The following LONP2 variants were observed in gnomAD, a reference collection of about 807,000 sequenced individuals.
The protein encoded by LONP2 is lon protease homolog 2, peroxisomal.
LONP2 carries 60 observed loss-of-function variants against 85.6 expected under a neutral mutation model. The observed-to-expected ratio is 0.70, with a 90% confidence interval of 0.57 to 0.87. The LOEUF (loss-of-function observed/expected upper bound fraction) is 0.87. Among genes scored for constraint, LONP2 ranks in the 40% least tolerant of loss-of-function variants. The pLI, the probability that LONP2 is intolerant of heterozygous loss-of-function variation, is 0.00. For synonymous variants in LONP2, 395 were observed against 389.7 expected (o/e 1.01, Z -0.16); for missense variants, 860 against 1,063.5 (o/e 0.81, Z 2.66).
chr16:48,249,933 C>T (rs1035867283), intron 1 of LONP2, among the ~76,000 whole-genome samples: 1 of 149,782 alleles, frequency 6.7e-6, no homozygotes, highest in Non-Finnish European at 1.5e-5. Flanking sequence ...GGCTCACGCC[C>T]GTAATCCTAG....
At position 48,299,663 on chromosome 16, in the gene LONP2, T is replaced by C. The variant is rs1339446010; in HGVS notation, c.1536T>C (p.Gly512=). Residue 512 remains glycine, a splice_region_variant and synonymous_variant, in exon 10 of 15, where the codon GGT becomes GGC. Transcript: ENST00000285737. ...LDRMEIIQVP[G]YTQEEKIEIA... ...AAAACAAGATCTCTTCTTTTCCAGG[T>C]TATACACAGGAGGAGAAGATAGAGA... 6.2e-7 allele frequency: 1 copy of C among 1,610,832 alleles called. No homozygotes were observed. The highest frequency in any genetic ancestry group is 1.3e-5 in the African/African-American group (1 of 74,522).
intron 7 of LONP2, among the ~76,000 whole-genome samples, chr16:48,275,576 A>G (rs1438409908): frequency 1.3e-5 from 2 of 152,176 alleles, no homozygotes; most frequent in African/African-American, 4.8e-5. Context: ...AGGTAGTCAG[A>G]AAAAGTTTCT....
At chr16:48,251,013 A>G (rs950761478) in intron 1 of LONP2, among the ~76,000 whole-genome samples, 1 of 152,262 alleles carries the variant, frequency 6.6e-6, no homozygotes, top group Non-Finnish European at 1.5e-5. Context: ...TAAGAAAAGG[A>G]TAGACGTAGT....
At chr16:48,346,103 A>G (rs1959956169) in intron 12 of LONP2, 1 of 151,998 alleles carries the variant, frequency 6.6e-6, no homozygotes, top group East Asian at 1.9e-4. Context: ...TGGATGCCAC[A>G]TAATTTTGGA....
intron 6 of LONP2, among the ~76,000 whole-genome samples, chr16:48,264,947 G>GT (rs949671993): frequency 6.6e-6 from 1 of 151,986 alleles, no homozygotes; most frequent in African/African-American, 2.4e-5. Context: ...ACTGATGATG[G>GT]TTTTTTTGTT....
intron 2 of LONP2, among the ~76,000 whole-genome samples, chr16:48,255,037 G>A (rs1971730234): frequency 6.6e-6 from 1 of 152,194 alleles, no homozygotes; most frequent in African/African-American, 2.4e-5. Context: ...CGATGTTGTT[G>A]GAGAGGTTTG....
chr16:48,285,862 C>T (rs188421779), intron 8 of LONP2, among the ~76,000 whole-genome samples: 249 of 152,154 alleles, frequency 1.6e-3, no homozygotes, highest in African/African-American at 5.5e-3. Flanking sequence ...TAAGCACATT[C>T]GCATTGTTGT....
At position 48,350,088 on chromosome 16, in the gene LONP2, T is replaced by C. The variant is rs9941354; in HGVS notation, c.2338-1493T>C. Reference sequence around the variant, plus strand: ...GAAATATATCTCTACAAAAATTGTTTTAAAAATAGTAAGGAGGCTGGGTGT... The same window carrying C: ...GAAATATATCTCTACAAAAATTGTTCTAAAAATAGTAAGGAGGCTGGGTGT... On this transcript the variant is annotated intron_variant, in intron 14 of 14. Transcript: ENST00000285737. Among the ~76,000 whole-genome samples the C allele has an allele frequency of 6.5e-3, 996 of 152,208 alleles. 8 individuals carry two copies. The highest frequency in any genetic ancestry group is 0.023 in the African/African-American group (957 of 41,540).
intron 14 of LONP2, among the ~76,000 whole-genome samples, chr16:48,350,669 T>C (rs1960115317): frequency 6.6e-6 from 1 of 152,194 alleles, no homozygotes; most frequent in Non-Finnish European, 1.5e-5. Context: ...GAATACTCCA[T>C]ACTCTTCAAG....
At chr16:48,316,554 T>C (rs1025368239) in intron 11 of LONP2, among the ~76,000 whole-genome samples, 5 of 151,512 alleles carry the variant, frequency 3.3e-5, no homozygotes, top group Non-Finnish European at 7.4e-5. Flanking sequence ...CTTGAACTCC[T>C]GACCTCAAGT....
intron 2 of LONP2, 97 bp from the exon 3 acceptor site, chr16:48,256,513 C>A: frequency 3.1e-6 from 4 of 1,291,232 alleles, no homozygotes; most frequent in Non-Finnish European, 4.4e-6. Context: ...AAAACAAAGA[C>A]TGAGGCCCAA....
downstream of LONP2, among the ~76,000 whole-genome samples, chr16:48,359,319 C>T (rs1284440860): frequency 3.9e-5 from 6 of 152,196 alleles, no homozygotes; most frequent in African/African-American, 1.2e-4. Flanking sequence ...GTAACCCTTT[C>T]ACCATACAAC....
intron 11 of LONP2, among the ~76,000 whole-genome samples, chr16:48,304,577 GC>G (rs1972873060): frequency 6.6e-6 from 1 of 152,068 alleles, no homozygotes; most frequent in Middle Eastern, 3.2e-3. Flanking sequence ...GGTGTTGGGC[GC>G]CTGTAGTCCC....
chr16:48,258,511 TTAA>T (rs1171180647), intron 3 of LONP2, 104 bp from the exon 4 acceptor site: 6 of 1,135,190 alleles, frequency 5.3e-6, no homozygotes, highest in African/African-American at 1.6e-5. Flanking sequence ...TTGAATACTG[TTAA>T]TAATTTTTTT....
chr16:48,362,654 C>T lies in LONP2; in HGVS notation c.*791C>T. The T allele has an allele frequency of 2.0e-6, 1 of 504,090 alleles. No homozygotes were observed. The highest frequency in any genetic ancestry group is 3.7e-5 in the East Asian group (1 of 26,812). The allele number at this position is 504,090 out of a possible 1,614,324, so 31.2% of individuals were successfully genotyped here. A position where few individuals can be genotyped will look rare whatever the true frequency, so the allele number is the denominator to read the frequency against. On this transcript the variant is annotated 3_prime_UTR_variant, in exon 5 of 5. Transcript: ENST00000565867. The surrounding 1 kb of genome is among the most constrained non-coding windows in gnomAD (Gnocchi z 4.2). ...GGATAAGCTCTCTTTTCAAAATGTT[C>T]CGGAAAACATGTGGAACTCCCTTAA...
intron 8 of LONP2, among the ~76,000 whole-genome samples, chr16:48,294,704 A>G (rs909512229): frequency 6.6e-6 from 1 of 152,180 alleles, no homozygotes. Flanking sequence ...ACTGCACCTC[A>G]ACCTTGGTGA....
chr16:48,258,487 G>A, intron 3 of LONP2, 131 bp from the exon 4 acceptor site: 1 of 719,842 alleles, frequency 1.4e-6, no homozygotes, highest in Middle Eastern at 3.1e-4. Context: ...GGTTGTCTTA[G>A]CCATAGTGTA....
At chr16:48,339,886 G>C (rs1959766591) in intron 12 of LONP2, among the ~76,000 whole-genome samples, 1 of 152,192 alleles carries the variant, frequency 6.6e-6, no homozygotes, top group Non-Finnish European at 1.5e-5. Flanking sequence ...TTGAGTACAG[G>C]CGAGCTAGAA....
chr16:48,359,184 G>A (rs540985437), downstream of LONP2, among the ~76,000 whole-genome samples: 4 of 152,100 alleles, frequency 2.6e-5, no homozygotes, highest in East Asian at 1.9e-4. Flanking sequence ...TGTTGGTCTC[G>A]AACTCCTGAC....
Sources: allele counts gnomAD v4.1 joint callset (sites outside exome capture counted in the v4.1 genomes callset), GRCh38; gene constraint gnomAD v4.1.1; non-coding constraint Gnocchi (gnomAD v3.1); transcripts MANE v1.5; gene names NCBI Gene and HGNC (gene_info 2026-07-23, HGNC 2026-07-21).